The following PDE1C variants were observed in gnomAD, a reference collection of about 807,000 sequenced individuals.
The protein encoded by PDE1C is phosphodiesterase 1C.
Under a neutral mutation model 93.1 loss-of-function variants are expected in PDE1C, and 62 were observed. The observed-to-expected ratio is 0.67, with a 90% CI of 0.54 to 0.82. PDE1C has a LOEUF of 0.82. Ranked by LOEUF, PDE1C falls within the 40% of genes least tolerant of loss-of-function variation. The pLI is 0.00. For missense variants in PDE1C, 742 were observed against 884.6 expected (o/e 0.84, Z 2.04); for synonymous variants, 325 against 310.1 (o/e 1.05, Z -0.50).
chr7:31,852,195 A>T (rs944324794), intron 7 of PDE1C, among the ~76,000 whole-genome samples: 4 of 152,230 alleles, frequency 2.6e-5, no homozygotes, highest in South Asian at 2.1e-4. Flanking sequence ...AAAATAAACA[A>T]ATGACATAGA....
intron 1 of PDE1C, among the ~76,000 whole-genome samples, chr7:32,357,317 G>A (rs1481111678): frequency 2.7e-5 from 4 of 148,810 alleles, no homozygotes; most frequent in Admixed American, 2.6e-4. Context: ...CTGGGCAACA[G>A]AGCGAGATTC....
intron 1 of PDE1C, among the ~76,000 whole-genome samples, chr7:32,410,616 T>A (rs1463511784): frequency 1.3e-5 from 2 of 152,162 alleles, no homozygotes; most frequent in Non-Finnish European, 2.9e-5. Flanking sequence ...TGTCCTCACC[T>A]CCTTTGCCCT....
chr7:32,019,738 G>C (rs903758664), intron 2 of PDE1C, among the ~76,000 whole-genome samples: 2 of 152,066 alleles, frequency 1.3e-5, no homozygotes, highest in African/African-American at 4.8e-5. Flanking sequence ...ACTGTATATA[G>C]GATAGGGAAA....
At chr7:31,813,455 C>G (rs77373531) in intron 15 of PDE1C, among the ~76,000 whole-genome samples, 4,122 of 152,110 alleles carry the variant, frequency 0.027, 67 homozygotes, top group East Asian at 0.067. Context: ...TTCAGCAGAC[C>G]AACTCTGTGT....
At chr7:32,225,777 A>T (rs914580413) in intron 1 of PDE1C, among the ~76,000 whole-genome samples, 2 of 152,320 alleles carry the variant, frequency 1.3e-5, no homozygotes, top group Admixed American at 1.3e-4. Flanking sequence ...AGTTGCTTCT[A>T]GGCCGGGCAC....
In PDE1C at chr7:32,174,242, T is replaced by G. The variant is rs1802837369; in HGVS notation, c.137-4286A>C. 5.3e-5 allele frequency among the ~76,000 whole-genome samples: 8 copies of G among 152,240 alleles called. 1 individual carries two copies. The South Asian group carries it at 1.7e-3, about 32-fold the overall frequency. ...GTTCCTGCACATCCCCCTTTATTCC[T>G]TCATTTTTTTCATTCAGTAAACACA... On this transcript the variant is annotated intron_variant, in intron 2 of 18. Transcript: ENST00000396193.
At chr7:31,889,158 T>G (rs574172364) in intron 2 of PDE1C, among the ~76,000 whole-genome samples, 1 of 152,344 alleles carries the variant, frequency 6.6e-6, no homozygotes, top group African/African-American at 2.4e-5. Flanking sequence ...TAAAATTTAC[T>G]TAGAAATGTG....
At chr7:31,697,031 T>C in the PDE1C span, 1 of 1,614,138 alleles carries the variant, frequency 6.2e-7, no homozygotes, top group Non-Finnish European at 8.5e-7. Flanking sequence ...GGCAAAATGA[T>C]CCCTGTTCTT....
chr7:32,212,308 G>C lies in PDE1C; in HGVS notation c.86-2769C>G, dbSNP rs1040643902. On this transcript the variant is annotated intron_variant, in intron 1 of 18. Coordinates refer to the PDE1C transcript ENST00000396193. Reference sequence around the variant, plus strand: ...ATCTTCACTCAGCCGGGCCCTCCCTGCCCACCACCCTATCCAAGGATGGGA... The same window carrying C: ...ATCTTCACTCAGCCGGGCCCTCCCTCCCCACCACCCTATCCAAGGATGGGA... 5.3e-5 allele frequency among the ~76,000 whole-genome samples: 8 copies of C among 152,172 alleles called. No individual in the cohort carries two copies. The South Asian group carries it at 1.7e-3, about 32-fold the overall frequency.
At chr7:32,046,215 A>T (rs73689021) in intron 2 of PDE1C, among the ~76,000 whole-genome samples, 2,954 of 145,132 alleles carry the variant, frequency 0.02, 72 homozygotes, top group African/African-American at 0.064. Flanking sequence ...CTTTTTTTTA[A>T]AAAAAAAAAA....
intron 2 of PDE1C, among the ~76,000 whole-genome samples, chr7:32,012,972 A>T (rs988021434): frequency 6.6e-6 from 1 of 152,196 alleles, no homozygotes; most frequent in African/African-American, 2.4e-5. Context: ...ATAAAAGATA[A>T]TCAACTGTAG....
At chr7:31,688,223 C>A in the PDE1C span, among the ~76,000 whole-genome samples, 2 of 152,146 alleles carry the variant, frequency 1.3e-5, no homozygotes, top group Admixed American at 6.5e-5. Context: ...CTATCTTCCC[C>A]CATTTAACAG....
chr7:31,996,302 G>A (rs1167032771), intron 2 of PDE1C, among the ~76,000 whole-genome samples: 1 of 145,426 alleles, frequency 6.9e-6, no homozygotes. Flanking sequence ...AGCTAGAACA[G>A]TAACTTACAG....
chr7:31,970,393 G>C (rs190965158), intron 2 of PDE1C, among the ~76,000 whole-genome samples: 1 of 152,106 alleles, frequency 6.6e-6, no homozygotes, highest in Admixed American at 6.6e-5. Flanking sequence ...GAAAAGTCTC[G>C]GGCGGAGGGA....
At chr7:32,091,730 A>G (rs953894009) in intron 3 of PDE1C, among the ~76,000 whole-genome samples, 1 of 152,222 alleles carries the variant, frequency 6.6e-6, no homozygotes, top group Non-Finnish European at 1.5e-5. Context: ...AGTCACTGCA[A>G]AGGCATGGGC....
At chr7:31,652,102 G>C in the PDE1C span, 1 of 1,275,406 alleles carries the variant, frequency 7.8e-7, no homozygotes, top group Non-Finnish European at 1.1e-6. Flanking sequence ...CCACAGGAGA[G>C]GTGCATTAAA....
intron 2 of PDE1C, among the ~76,000 whole-genome samples, chr7:32,174,410 G>T (rs1230670497): frequency 6.6e-6 from 1 of 152,134 alleles, no homozygotes; most frequent in African/African-American, 2.4e-5. Flanking sequence ...AGGGCTATGG[G>T]ACCCAGAGGA....
At chr7:32,422,864 G>A (rs1199601732) in intron 1 of PDE1C, among the ~76,000 whole-genome samples, 1 of 152,146 alleles carries the variant, frequency 6.6e-6, no homozygotes, top group African/African-American at 2.4e-5. Context: ...AAGGGCTAGG[G>A]AGGTGAAGGA....
At chr7:31,934,650 A>G (rs1435351084) in intron 2 of PDE1C, among the ~76,000 whole-genome samples, 1 of 152,116 alleles carries the variant, frequency 6.6e-6, no homozygotes. Context: ...TCATAATCTA[A>G]AATTTCATAG....
Sources: gnomAD v4.1 joint callset for allele counts (sites outside exome capture counted in the v4.1 genomes callset) on GRCh38, gnomAD v4.1.1 for gene constraint, MANE v1.5 for transcripts, NCBI Gene and HGNC (gene_info 2026-07-23, HGNC 2026-07-21) for gene names.